Variants in SHANK2 observed in about 807,000 individuals in gnomAD.
The protein encoded by SHANK2 is SH3 and multiple ankyrin repeat domains protein 2.
Under a neutral mutation model 133.7 loss-of-function variants are expected in SHANK2, and 43 were observed. The observed-to-expected ratio is 0.32, with a 90% CI of 0.25 to 0.41. The LOEUF (loss-of-function observed/expected upper bound fraction) is 0.41, where lower values mean the gene tolerates loss of function less well. Among genes scored for constraint, SHANK2 ranks in the 10% least tolerant of loss-of-function variants. The pLI, the probability that SHANK2 is intolerant of heterozygous loss-of-function variation, is 1.00. For missense variants in SHANK2, 1,994 were observed against 2,235.8 expected, an observed-to-expected ratio of 0.89 and a Z score of 2.18; for synonymous variants, 1,017 against 952.8, an observed-to-expected ratio of 1.07 and a Z score of -1.24.
intron 17 of SHANK2, among the ~76,000 whole-genome samples, chr11:70,613,413 T>A (rs753984164): frequency 6.6e-6 from 1 of 151,948 alleles, no homozygotes; most frequent in African/African-American, 2.4e-5. Context: ...CCGTGTTAGC[T>A]AGGATGGTCT....
At chr11:70,859,280 A>G (rs1265284393) in intron 11 of SHANK2, among the ~76,000 whole-genome samples, 5 of 152,164 alleles carry the variant, frequency 3.3e-5, no homozygotes, top group Non-Finnish European at 7.4e-5. Context: ...ATAAATGGAT[A>G]TACAGATGGG....
intron 17 of SHANK2, among the ~76,000 whole-genome samples, chr11:70,620,789 C>T (rs1490293431): frequency 1.3e-5 from 2 of 152,164 alleles, no homozygotes; most frequent in Non-Finnish European, 2.9e-5. Context: ...CTTTCACACA[C>T]ACTCTCTCTC....
At chr11:71,066,090 TGG>T (rs1226644103) in intron 9 of SHANK2, among the ~76,000 whole-genome samples, 1 of 7,348 alleles carries the variant, frequency 1.4e-4, no homozygotes, top group Non-Finnish European at 2.6e-4. Flanking sequence ...GGGAAGTTGG[TGG>T]GGGGGGTGTG....
At chr11:71,237,765 C>T (rs1376435644) in intron 1 of SHANK2, among the ~76,000 whole-genome samples, 1 of 152,204 alleles carries the variant, frequency 6.6e-6, no homozygotes, top group African/African-American at 2.4e-5. Context: ...TACCCCATCT[C>T]CCCTTCCCAG....
At position 70,468,297 on chromosome 11, in the gene SHANK2, G is replaced by A. The variant is rs2058558106; in HGVS notation, c.*4572C>T. 1 of 152,166 alleles carries A rather than the reference G, an allele frequency of 6.6e-6. No individual in the cohort carries two copies. Among genetic ancestry groups the A allele is most frequent in the South Asian group, 2.1e-4 (1 of 4,830 alleles). 9.4% of individuals were successfully genotyped at this position (152,166 alleles called of 1,614,324 possible). A position where few individuals can be genotyped will look rare whatever the true frequency, so the allele number is the denominator to read the frequency against. On this transcript the variant is annotated 3_prime_UTR_variant, in exon 26 of 26. Transcript: ENST00000601538. ...CATAAAACGGTAAAGACTGTGGAAT[G>A]TAGAACAAGTTACAGGAACGATAAA...
intron 2 of SHANK2, among the ~76,000 whole-genome samples, chr11:71,161,363 T>C (rs1368736265): frequency 6.6e-6 from 1 of 152,224 alleles, no homozygotes; most frequent in Admixed American, 6.5e-5. Context: ...CTGTCTCTTG[T>C]GGGGAAAATT....
In SHANK2 at chr11:70,473,439, T is replaced by C; in HGVS notation, c.4980A>G (p.Arg1660=). ...AGATGGTGCTCATGATCTCCGGGCTTCTGAAACAGCAACACAGAGAAAACC... is the reference window on the plus strand; with the variant it reads ...AGATGGTGCTCATGATCTCCGGGCTCCTGAAACAGCAACACAGAGAAAACC... ...MGAKSASLAP[R]SPEIMSTISG... The change falls in exon 26 of 26, where the codon AGA becomes AGG. Residue 1660 remains arginine (R), a splice_region_variant and synonymous_variant. Transcript: ENST00000601538. The surrounding 1 kb of genome is among the most constrained non-coding windows in gnomAD (Gnocchi z 5.9). 1 of 1,602,098 alleles carries C rather than the reference T, an allele frequency of 6.2e-7. No homozygotes were observed. Among genetic ancestry groups the C allele is most frequent in the Non-Finnish European group, 8.5e-7 (1 of 1,179,856 alleles).
At chr11:70,829,071 C>T (rs116235414) in intron 11 of SHANK2, among the ~76,000 whole-genome samples, 166 of 152,314 alleles carry the variant, frequency 1.1e-3, no homozygotes, top group African/African-American at 3.8e-3. Flanking sequence ...TTGCCGGCCA[C>T]GGAAGACCTT....
intron 17 of SHANK2, among the ~76,000 whole-genome samples, chr11:70,652,897 C>T (rs1054805225): frequency 5.9e-5 from 9 of 152,150 alleles, no homozygotes; most frequent in African/African-American, 1.7e-4. Context: ...AGCACAACCA[C>T]CCATTTTATC....
chr11:70,921,760 A>C (rs1950355030), intron 10 of SHANK2, among the ~76,000 whole-genome samples: 1 of 152,240 alleles, frequency 6.6e-6, no homozygotes, highest in Non-Finnish European at 1.5e-5. Context: ...CTCTGACTGC[A>C]TCAAGGTGAC....
Position 70,502,305 on chromosome 11 carries a change from A to AT in SHANK2, c.2198-20dup, listed in dbSNP as rs782238681. Reference sequence around the variant, plus strand: ...GGGGGAGCTGGAGGGCAGAGGAGAGATGGGTGTGAGACCCCAGCCCATGTT... The same window carrying AT: ...GGGGGAGCTGGAGGGCAGAGGAGAGATTGGGTGTGAGACCCCAGCCCATGTT... On this transcript the variant is annotated intron_variant, in intron 18 of 25. Transcript: ENST00000601538. The AT allele has an allele frequency of 1.3e-5, 20 of 1,549,254 alleles. No individual in the cohort carries two copies. Among genetic ancestry groups the AT allele is most frequent in the Non-Finnish European group, 1.7e-5 (19 of 1,146,570 alleles).
intron 2 of SHANK2, among the ~76,000 whole-genome samples, chr11:71,189,277 C>G (rs2135573927): frequency 6.6e-6 from 1 of 152,350 alleles, no homozygotes; most frequent in Non-Finnish European, 1.5e-5. Context: ...CGGTGCTGTT[C>G]AGGGCTTATT....
At chr11:70,562,072 T>G (rs1363782507) in intron 17 of SHANK2, among the ~76,000 whole-genome samples, 6 of 152,252 alleles carry the variant, frequency 3.9e-5, no homozygotes, top group African/African-American at 1.4e-4. Context: ...TTTAAAATAA[T>G]ACTATTTACT....
chr11:71,182,247 G>C (rs1052970671), intron 2 of SHANK2, among the ~76,000 whole-genome samples: 1 of 152,094 alleles, frequency 6.6e-6, no homozygotes, highest in Non-Finnish European at 1.5e-5. Context: ...CGGGGCTCCT[G>C]AGTTTCTACA....
intron 2 of SHANK2, among the ~76,000 whole-genome samples, chr11:71,157,294 T>A (rs533854269): frequency 1.7e-4 from 26 of 152,306 alleles, no homozygotes; most frequent in Admixed American, 1.1e-3. Context: ...ATCAGATGCC[T>A]GAATTAAAAT....
At chr11:70,567,812 C>T (rs1319993065) in intron 17 of SHANK2, among the ~76,000 whole-genome samples, 1 of 152,166 alleles carries the variant, frequency 6.6e-6, no homozygotes, top group African/African-American at 2.4e-5. Context: ...CTGTCCCAGC[C>T]ACCCTGTCTG....
chr11:70,889,313 G>A (rs1426874367), intron 11 of SHANK2, among the ~76,000 whole-genome samples: 2 of 152,162 alleles, frequency 1.3e-5, no homozygotes, highest in African/African-American at 2.4e-5. Context: ...AGGCAAGGAA[G>A]GATTCCTCCC....
At chr11:71,174,889 C>A (rs1223538873) in intron 2 of SHANK2, 1 of 152,126 alleles carries the variant, frequency 6.6e-6, no homozygotes, top group Non-Finnish European at 1.5e-5. Flanking sequence ...GTGCGGGGCA[C>A]ACAGGATTAG....
chr11:70,592,093 A>G (rs2060331941), intron 17 of SHANK2, among the ~76,000 whole-genome samples: 1 of 152,106 alleles, frequency 6.6e-6, no homozygotes, highest in African/African-American at 2.4e-5. Context: ...AGGTGTGGAG[A>G]CTACATTTAA....
Sources: allele counts gnomAD v4.1 joint callset (sites outside exome capture counted in the v4.1 genomes callset), GRCh38; gene constraint gnomAD v4.1.1; non-coding constraint Gnocchi (gnomAD v3.1); transcripts MANE v1.5; gene names NCBI Gene and HGNC (gene_info 2026-07-23, HGNC 2026-07-21).